Variants in BNC2 observed in about 807,000 individuals in gnomAD.
The protein encoded by BNC2 is basonuclin zinc finger protein 2.
Under a neutral mutation model 76.3 loss-of-function variants are expected in BNC2, and 20 were observed. The observed-to-expected ratio is 0.26, with a 90% CI of 0.18 to 0.38. The LOEUF (loss-of-function observed/expected upper bound fraction) is 0.38. Among genes scored for constraint, BNC2 ranks in the 10% least tolerant of loss-of-function variants. The pLI, the probability that BNC2 is intolerant of heterozygous loss-of-function variation, is 1.00. For synonymous variants in BNC2, 582 were observed against 514.8 expected (o/e 1.13, Z -1.77); for missense variants, 1,382 against 1,399.8 (o/e 0.99, Z 0.20).
At chr9:16,745,442 A>G (rs939804178) in intron 1 of BNC2, among the ~76,000 whole-genome samples, 2 of 152,226 alleles carry the variant, frequency 1.3e-5, no homozygotes, top group Admixed American at 6.5e-5. Flanking sequence ...AGAATTAAAG[A>G]TATGGTAACA....
At chr9:16,540,101 A>G (rs756833541) in intron 5 of BNC2, among the ~76,000 whole-genome samples, 3 of 151,980 alleles carry the variant, frequency 2.0e-5, no homozygotes, top group Non-Finnish European at 4.4e-5. Flanking sequence ...ATAGTAAAAA[A>G]AAGACAATTT....
At chr9:16,763,006 A>G (rs1328214684) in intron 1 of BNC2, among the ~76,000 whole-genome samples, 1 of 152,188 alleles carries the variant, frequency 6.6e-6, no homozygotes, top group East Asian at 1.9e-4. Context: ...ACCAAGACTC[A>G]CTTATCAATA....
intron 3 of BNC2, among the ~76,000 whole-genome samples, chr9:16,648,085 G>T (rs1323828775): frequency 6.6e-6 from 1 of 152,160 alleles, no homozygotes; most frequent in Non-Finnish European, 1.5e-5. Context: ...ATGTGTGTGT[G>T]TGTGTTTAAA....
intron 3 of BNC2, among the ~76,000 whole-genome samples, chr9:16,660,821 T>C (rs1361957913): frequency 2.6e-5 from 4 of 151,986 alleles, no homozygotes; most frequent in East Asian, 1.9e-4. Context: ...ATTATTTACA[T>C]AGTATTTACA....
chr9:16,593,710 C>T (rs1819994183), intron 3 of BNC2, among the ~76,000 whole-genome samples: 1 of 152,036 alleles, frequency 6.6e-6, no homozygotes, highest in Non-Finnish European at 1.5e-5. Context: ...TGTATACTTA[C>T]AAATTTTACA....
In BNC2 at chr9:16,530,123, G is replaced by A. The variant is rs542668671; in HGVS notation, c.669+22407C>T. ...CCTACTTCGGCCTCCCAAAGTGCAT[G>A]AGCCACCGCACCTGGCCAAAAAAGT... On this transcript the variant is annotated intron_variant, in intron 5 of 6. Coordinates refer to ENST00000380672, the MANE Select transcript of BNC2 (RefSeq NM_017637.6). 7.4e-4 allele frequency among the ~76,000 whole-genome samples: 112 copies of A among 151,866 alleles called. 3 individuals are homozygous for A. The South Asian group carries it at 0.023, about 31-fold the overall frequency.
chr9:16,695,343 C>G (rs1222543681), intron 3 of BNC2, among the ~76,000 whole-genome samples: 1 of 152,004 alleles, frequency 6.6e-6, no homozygotes, highest in African/African-American at 2.4e-5. Flanking sequence ...GTCACCCAGA[C>G]TGGGATGCAG....
At chr9:16,473,621 C>A (rs1373944688) in intron 5 of BNC2, among the ~76,000 whole-genome samples, 2 of 152,022 alleles carry the variant, frequency 1.3e-5, no homozygotes, top group Non-Finnish European at 2.9e-5. Flanking sequence ...ATGCGTAATC[C>A]CAGCACTTTG....
At chr9:16,812,274 C>T (rs183500836) in intron 1 of BNC2, among the ~76,000 whole-genome samples, 1 of 152,332 alleles carries the variant, frequency 6.6e-6, no homozygotes, top group Admixed American at 6.5e-5. Context: ...GCTTCTTCAC[C>T]TCTCCATCCC....
intron 5 of BNC2, among the ~76,000 whole-genome samples, chr9:16,461,287 G>A (rs955653422): frequency 6.6e-6 from 1 of 152,128 alleles, no homozygotes; most frequent in African/African-American, 2.4e-5. Context: ...ACAAGAATGT[G>A]CACGTGTGGA....
chr9:16,561,038 T>C (rs1818996832), intron 4 of BNC2, among the ~76,000 whole-genome samples: 1 of 151,984 alleles, frequency 6.6e-6, no homozygotes, highest in Non-Finnish European at 1.5e-5. Flanking sequence ...CAGGAGTTTG[T>C]GACCAGCCTG....
chr9:16,769,837 G>A (rs193152396), intron 1 of BNC2, among the ~76,000 whole-genome samples: 119 of 152,246 alleles, frequency 7.8e-4, no homozygotes, highest in Non-Finnish European at 1.4e-3. Context: ...ATTGAAGCTT[G>A]CAAACGTGAG....
chr9:16,796,330 T>C (rs1288644204), intron 1 of BNC2, among the ~76,000 whole-genome samples: 2 of 152,232 alleles, frequency 1.3e-5, no homozygotes, highest in Admixed American at 6.5e-5. Context: ...TACACCCTGA[T>C]AGATTTCATA....
intron 5 of BNC2, among the ~76,000 whole-genome samples, chr9:16,472,462 T>C (rs1034597209): frequency 2.0e-5 from 3 of 152,218 alleles, no homozygotes; most frequent in Non-Finnish European, 4.4e-5. Flanking sequence ...TAGGTTCTTA[T>C]ATATACCTAC....
chr9:16,643,516 C>T (rs905807945), intron 3 of BNC2, among the ~76,000 whole-genome samples: 28 of 152,080 alleles, frequency 1.8e-4, no homozygotes, highest in Admixed American at 6.6e-4. Flanking sequence ...AAAATATCCA[C>T]GCATAGCCCC....
At chr9:16,852,011 T>G (rs1819138811) in intron 1 of BNC2, among the ~76,000 whole-genome samples, 1 of 152,192 alleles carries the variant, frequency 6.6e-6, no homozygotes, top group Admixed American at 6.5e-5. Flanking sequence ...CAACTCAACA[T>G]GAGATGTGTG....
intron 3 of BNC2, among the ~76,000 whole-genome samples, chr9:16,655,487 T>C (rs1821904723): frequency 6.6e-6 from 1 of 152,052 alleles, no homozygotes; most frequent in African/African-American, 2.4e-5. Flanking sequence ...AGTTCCTCCT[T>C]GACTATCTAT....
rs182051953 is a variant in BNC2, at chr9:16,858,644, G to C, written c.3+12002C>G. 1.3e-4 allele frequency among the ~76,000 whole-genome samples: 20 copies of C among 152,148 alleles called. No homozygotes were observed. The East Asian group carries it at 3.1e-3, about 24-fold the overall frequency. On this transcript the variant is annotated intron_variant, in intron 1 of 6. Coordinates refer to ENST00000380672, the MANE Select transcript of BNC2 (RefSeq NM_017637.6). Reference sequence around the variant, plus strand: ...TGGATCACGAGGTCAGGAGGATCAAGACCATCCTGGCTAACATGGTAAAAC... The same window carrying C: ...TGGATCACGAGGTCAGGAGGATCAACACCATCCTGGCTAACATGGTAAAAC...
intron 3 of BNC2, among the ~76,000 whole-genome samples, chr9:16,673,547 A>G (rs1394279023): frequency 6.6e-6 from 1 of 152,138 alleles, no homozygotes. Context: ...CCAGTCAAGA[A>G]AGATCTGCAG....
Sources: gnomAD v4.1 joint callset for allele counts (sites outside exome capture counted in the v4.1 genomes callset) on GRCh38, gnomAD v4.1.1 for gene constraint, MANE v1.5 for transcripts, NCBI Gene and HGNC (gene_info 2026-07-23, HGNC 2026-07-21) for gene names.